Variants in MMP19 observed in about 807,000 individuals in gnomAD.
MMP19 encodes matrix metallopeptidase 19.
MMP19 carries 47 observed loss-of-function variants against 46.6 expected under a neutral mutation model. The observed-to-expected ratio is 1.01, with a 90% CI of 0.80 to 1.29. The LOEUF is 1.29. MMP19 is among the 50% of genes most tolerant of loss of function. The probability of loss-of-function intolerance (pLI) is 0.00; values close to 1 mark genes in which losing one functional copy is unlikely to be tolerated. For missense variants in MMP19, 589 were observed against 643.5 expected, an observed-to-expected ratio of 0.92 and a Z score of 0.92; for synonymous variants, 222 against 248.5, an observed-to-expected ratio of 0.89 and a Z score of 1.00.
Position 55,837,266 on chromosome 12 carries a change from T to A in MMP19, c.1297A>T (p.Met433Leu). 2 of 1,614,192 alleles carry A rather than the reference T, an allele frequency of 1.2e-6. No individual in the cohort carries two copies. Among genetic ancestry groups the A allele is most frequent in the Non-Finnish European group, 8.5e-7 (1 of 1,180,030 alleles). ...TGVPNQPSAA[M>L]SWQDGRVYFF... ...TAGACTCGGCCATCTTGCCAACTCA[T>A]AGCAGCCGAGGGCTGGTTTGGCACT... Residue 433 changes from methionine to leucine, a missense_variant, in exon 9 of 9, where the codon ATG becomes TTG. Transcript: ENST00000322569.
intron 2 of MMP19, chr12:55,841,559 CT>C: frequency 4.1e-6 from 1 of 242,702 alleles, no homozygotes; most frequent in Non-Finnish European, 8.1e-6. Context: ...TCCTTCCTTT[CT>C]TTTTCTTCTC....
Position 55,839,497 on chromosome 12 carries a change from A to G in MMP19, c.765T>C (p.Tyr255=), listed in dbSNP as rs778630923. The change falls in exon 5 of 9, where the codon TAT becomes TAC. Residue 255 remains tyrosine (Y), a splice_region_variant and synonymous_variant. Transcript: ENST00000322569. ...CCCTCACTAGGGGGAGGGACTGACC[A>G]TAGAGAGCCTGGATCCCTGCCACAT... ...PDDVAGIQAL[Y]GKKSPVIRDE... The G allele has an allele frequency of 8.1e-6, 13 of 1,606,702 alleles. No individual in the cohort carries two copies. In the South Asian group the frequency reaches 1.2e-4, roughly 15 times the overall value.
In MMP19 at chr12:55,837,085, A is replaced by G. The variant is rs1468440146; in HGVS notation, c.1478T>C (p.Ile493Thr). 1.2e-6 allele frequency: 2 copies of G among 1,604,426 alleles called. No homozygotes were observed. The highest frequency in any genetic ancestry group is 1.7e-6 in the Non-Finnish European group (2 of 1,174,480). The stretch of plus-strand genomic sequence containing the variant: ...GGCTGAGAGAGTGGTATCCAAGGTT[A>G]TGCCCGTACCTGAGGGAGTGGTATT... The part of the protein sequence containing the change: ...GGNTTPSGTG[I>T]TLDTTLSATE... Residue 493 changes from isoleucine (I) to threonine (T), a missense_variant, in exon 9 of 9, where the codon ATA (isoleucine) becomes ACA (threonine). By Grantham distance (89) the Ile-to-Thr change is moderately conservative. Coordinates refer to ENST00000322569, the MANE Select transcript of MMP19 (RefSeq NM_002429.6).
Position 55,836,759 on chromosome 12 carries a change from A to G in MMP19, c.*277T>C, listed in dbSNP as rs1349769738. The G allele has an allele frequency of 1.3e-5, 4 of 305,508 alleles. No homozygotes were observed. Among genetic ancestry groups the G allele is most frequent in the Non-Finnish European group, 2.4e-5 (4 of 165,060 alleles). The allele number at this position is 305,508 out of a possible 1,614,324, so 18.9% of individuals were successfully genotyped here. Reference sequence around the variant, plus strand: ...CAGTTGGAAGGGCTGTCTAAGACAGACAGGAAATGGAGTTGGGGGCCAAAT... The same window carrying G: ...CAGTTGGAAGGGCTGTCTAAGACAGGCAGGAAATGGAGTTGGGGGCCAAAT... On this transcript the variant is annotated 3_prime_UTR_variant, in exon 9 of 9. Transcript: ENST00000322569.
In MMP19 at chr12:55,838,753, C is replaced by T; in HGVS notation, c.767-19G>A. 6.5e-7 allele frequency: 1 copy of T among 1,550,316 alleles called. No individual in the cohort carries two copies. Among genetic ancestry groups the T allele is most frequent in the African/African-American group, 1.4e-5 (1 of 73,378 alleles). On this transcript the variant is annotated intron_variant, in intron 5 of 8. Coordinates refer to ENST00000322569, the MANE Select transcript of MMP19 (RefSeq NM_002429.6). ...TTCTTGCCTATAAGGTAAAGTAATGCTGCTTAGGGAGAGAACTCACAGCAC... is the reference window on the plus strand; with the variant it reads ...TTCTTGCCTATAAGGTAAAGTAATGTTGCTTAGGGAGAGAACTCACAGCAC...
At chr12:55,839,241 C>CA (rs763182567) in intron 5 of MMP19, among the ~76,000 whole-genome samples, 8,292 of 58,348 alleles carry the variant, frequency 0.14, 505 homozygotes, top group Admixed American at 0.25. Flanking sequence ...GGCTCTATCT[C>CA]AAAAAAAAAA....
chr12:55,839,202 A>G (rs1881487442), intron 5 of MMP19, among the ~76,000 whole-genome samples: 1 of 146,742 alleles, frequency 6.8e-6, no homozygotes, highest in Non-Finnish European at 1.5e-5. Flanking sequence ...AGATCATGCC[A>G]TTGCACTCCA....
At chr12:55,839,413 C>T (rs943765376) in intron 5 of MMP19, 83 bp downstream of exon 5, 17 of 1,496,104 alleles carry the variant, frequency 1.1e-5, no homozygotes, top group Non-Finnish European at 1.4e-5. Context: ...AGCTATATCC[C>T]TACATGGAGG....
chr12:55,840,833 G>A lies in MMP19; in HGVS notation c.354C>T (p.Ser118=). 1.9e-6 allele frequency: 3 copies of A among 1,603,456 alleles called. No homozygotes were observed. Among genetic ancestry groups the A allele is most frequent in the Non-Finnish European group, 2.6e-6 (3 of 1,172,032 alleles). ...CCCGGGCTGTGTGGGGTGGAAGGGT[G>A]GAGGGCAGGTTCAAGATGCGGAAAG... ...HLTFRILNLP[S]TLPPHTARAA... Residue 118 remains serine (S), a synonymous_variant, in exon 4 of 9, where the codon TCC becomes TCT. Transcript: ENST00000322569.
At chr12:55,840,528 C>T (rs934647583) in intron 4 of MMP19, 139 bp downstream of exon 4, 48 of 832,660 alleles carry the variant, frequency 5.8e-5, no homozygotes, top group Non-Finnish European at 7.8e-5. Context: ...CCCGTGCTCC[C>T]GTTAGGAGGT....
chr12:55,839,804 C>A (rs1248509853), intron 4 of MMP19, 63 bp from the exon 5 acceptor site: 9 of 1,532,394 alleles, frequency 5.9e-6, no homozygotes, highest in Non-Finnish European at 7.1e-6. Flanking sequence ...GCACACCCTG[C>A]CTATTATAAA....
chr12:55,840,029 A>G, intron 4 of MMP19: 1 of 370,518 alleles, frequency 2.7e-6, no homozygotes, highest in Admixed American at 4.2e-5. Flanking sequence ...TTAAGGGAGA[A>G]AAAGAAGCAT....
Position 55,837,127 on chromosome 12 carries a change from G to C in MMP19, c.1436C>G (p.Thr479Ser). 6.2e-7 allele frequency: 1 copy of C among 1,613,992 alleles called. No homozygotes were observed. The highest frequency in any genetic ancestry group is 8.5e-7 in the Non-Finnish European group (1 of 1,179,928). Residue 479 changes from threonine to serine, a missense_variant, in exon 9 of 9, where the codon ACT becomes AGT. Transcript: ENST00000322569. Reference protein sequence around the residue: ...WMHCRPRTIDTTPSGGNTTPS... With the variant: ...WMHCRPRTIDSTPSGGNTTPS... ...AGTGGTATTCCCACCTGATGGGGTAGTGTCTATAGTCCGGGGACGACAGTG... is the reference window on the plus strand; with the variant it reads ...AGTGGTATTCCCACCTGATGGGGTACTGTCTATAGTCCGGGGACGACAGTG...
In MMP19 at chr12:55,842,350, C is replaced by T. The variant is rs980659413; in HGVS notation, c.173+3G>A. The stretch of plus-strand genomic sequence containing the variant: ...TAAAGGCATACACCTCATAGCTTCT[C>T]ACCTCAGAGCCTCGGTGATATCTTC... On this transcript the variant is annotated splice_donor_region_variant and intron_variant, in intron 2 of 8. Coordinates refer to ENST00000322569, the MANE Select transcript of MMP19 (RefSeq NM_002429.6). 1 of 1,612,614 alleles carries T rather than the reference C, an allele frequency of 6.2e-7. No individual in the cohort carries two copies. The highest frequency in any genetic ancestry group is 1.3e-5 in the African/African-American group (1 of 75,016).
Position 55,839,683 on chromosome 12 carries a change from G to C in MMP19, c.579C>G (p.Asp193Glu). The change falls in exon 5 of 9, where the codon GAC becomes GAG. Residue 193 changes from aspartate (D) to glutamate (E), a missense_variant. Transcript: ENST00000322569. ...GGTAGGTCCCCTCAGTCCAGAACTC[G>C]TCTTCGTCGAAGTGCACACTGCCCA... ...PELGSVHFDE[D>E]EFWTEGTYRG... 6.2e-7 allele frequency: 1 copy of C among 1,614,198 alleles called. No individual in the cohort carries two copies. The highest frequency in any genetic ancestry group is 8.5e-7 in the Non-Finnish European group (1 of 1,180,032).
intron 2 of MMP19, among the ~76,000 whole-genome samples, chr12:55,842,003 G>A (rs1342984756): frequency 6.6e-6 from 1 of 152,096 alleles, no homozygotes; most frequent in Non-Finnish European, 1.5e-5. Context: ...AAATAAATAA[G>A]TACCAAATTG....
rs374923055 is a variant in MMP19, at chr12:55,842,337, C to G, written c.173+16G>C. ...GAGACCTTAGCCCTAAAGGCATACA[C>G]CTCATAGCTTCTCACCTCAGAGCCT... On this transcript the variant is annotated intron_variant, in intron 2 of 8. Coordinates refer to ENST00000322569, the MANE Select transcript of MMP19 (RefSeq NM_002429.6). 2 of 1,605,928 alleles carry G rather than the reference C, an allele frequency of 1.2e-6. No homozygotes were observed. Among genetic ancestry groups the G allele is most frequent in the South Asian group, 1.1e-5 (1 of 90,898 alleles).
rs753820170 is a variant in MMP19, at chr12:55,839,612, G to C, written c.650C>G (p.Ala217Gly). The part of the protein sequence containing the change: ...RIIAAHEVGH[A>G]LGLGHSRYSQ... ...ATATCGGGAGTGCCCAAGCCCCAGA[G>C]CATGGCCCACTTCATGGGCTGCAAT... Residue 217 changes from alanine to glycine, a missense_variant, in exon 5 of 9, where the codon GCT becomes GGT. Physicochemically the swap from Ala to Gly is moderately conservative, Grantham distance 60. Coordinates refer to ENST00000322569, the MANE Select transcript of MMP19 (RefSeq NM_002429.6). 1.1e-5 allele frequency: 18 copies of C among 1,614,254 alleles called. No individual in the cohort carries two copies. The highest frequency in any genetic ancestry group is 1.5e-5 in the Non-Finnish European group (18 of 1,180,048).
chr12:55,840,571 G>A (rs1388060339), intron 4 of MMP19, 96 bp downstream of exon 4: 5 of 1,281,682 alleles, frequency 3.9e-6, no homozygotes, highest in Non-Finnish European at 5.5e-6. Context: ...GTGGGATAAA[G>A]AGCAGCCCAA....
Sources: gnomAD v4.1 joint callset for allele counts (sites outside exome capture counted in the v4.1 genomes callset) on GRCh38, gnomAD v4.1.1 for gene constraint, MANE v1.5 for transcripts, NCBI Gene and HGNC (gene_info 2026-07-23, HGNC 2026-07-21) for gene names.